Variants in PPFIBP2 observed in about 807,000 individuals in gnomAD.
PPFIBP2 encodes the protein PPFIB scaffold protein 2, also known as liprin-beta-2.
In PPFIBP2, 118 loss-of-function variants were observed where a neutral mutation model predicts 118.3. The observed-to-expected ratio is 1.00, with a 90% confidence interval of 0.86 to 1.16. PPFIBP2 has a LOEUF of 1.16. Ranked by LOEUF, PPFIBP2 falls within the 50% of genes most tolerant of loss-of-function variation. The probability of loss-of-function intolerance (pLI) is 0.00; values close to 1 mark genes in which losing one functional copy is unlikely to be tolerated. For missense variants in PPFIBP2, 1,195 were observed against 1,073.1 expected, an observed-to-expected ratio of 1.11 and a Z score of -1.59; for synonymous variants, 414 against 397.4, an observed-to-expected ratio of 1.04 and a Z score of -0.50.
chr11:7,580,947 C>T (rs904499134), intron 3 of PPFIBP2, among the ~76,000 whole-genome samples: 1 of 152,220 alleles, frequency 6.6e-6, no homozygotes, highest in African/African-American at 2.4e-5. Flanking sequence ...TTCAGTGCTT[C>T]AGCTTTATGA....
intron 1 of PPFIBP2, among the ~76,000 whole-genome samples, chr11:7,519,845 G>A (rs145206609): frequency 6.6e-6 from 1 of 152,210 alleles, no homozygotes; most frequent in Non-Finnish European, 1.5e-5. Flanking sequence ...TTGGATTTTC[G>A]GACCAGAGAA....
chr11:7,544,877 C>G (rs1320568254), intron 1 of PPFIBP2, among the ~76,000 whole-genome samples: 7 of 151,558 alleles, frequency 4.6e-5, no homozygotes, highest in Non-Finnish European at 1.0e-4. Context: ...TTCTGGCTCT[C>G]TCTGTCTTCT....
intron 6 of PPFIBP2, among the ~76,000 whole-genome samples, chr11:7,615,815 C>T (rs1848571551): frequency 1.3e-5 from 2 of 152,132 alleles, no homozygotes; most frequent in Non-Finnish European, 2.9e-5. Flanking sequence ...AAAAACTAGG[C>T]ATAAACAGAC....
chr11:7,638,972 T>G (rs1460456671), intron 14 of PPFIBP2, among the ~76,000 whole-genome samples: 2 of 152,240 alleles, frequency 1.3e-5, no homozygotes, highest in Non-Finnish European at 2.9e-5. Flanking sequence ...GGCCCATTTC[T>G]TGTTGTCAGC....
rs1163270807 is a variant in PPFIBP2, at chr11:7,514,055, T to C, written c.-103T>C. The C allele has an allele frequency of 6.6e-6, 1 of 152,006 alleles. No homozygotes were observed. Among genetic ancestry groups the C allele is most frequent in the African/African-American group, 2.4e-5 (1 of 41,344 alleles). 9.4% of individuals were successfully genotyped at this position (152,006 alleles called of 1,614,324 possible). A position where few individuals can be genotyped will look rare whatever the true frequency, so the allele number is the denominator to read the frequency against. On this transcript the variant is annotated 5_prime_UTR_variant, in exon 1 of 24. Transcript: ENST00000299492. ...GCTTCTGGGCTCTCATGTTTGAAGG[T>C]GGGAGGGACACGGGAGCGGCCCGCA... is the stretch of plus-strand genomic sequence containing the variant.
intron 1 of PPFIBP2, among the ~76,000 whole-genome samples, chr11:7,542,644 C>G (rs1019501776): frequency 2.6e-5 from 4 of 152,140 alleles, no homozygotes; most frequent in African/African-American, 9.7e-5. Flanking sequence ...AAAGTCTTCA[C>G]CAATTATGTA....
At chr11:7,606,886 ATTTTTTTTTTTTTTTTTTT>A (rs529585905) in intron 5 of PPFIBP2, among the ~76,000 whole-genome samples, 170 of 51,424 alleles carry the variant, frequency 3.3e-3, no homozygotes, top group Middle Eastern at 0.034. Flanking sequence ...AACTGCATGA[ATTTTTTTTTTTTTTTTTTT>A]TTTTTTTTTT....
chr11:7,624,935 C>T (rs1849788111), intron 7 of PPFIBP2, among the ~76,000 whole-genome samples: 2 of 152,174 alleles, frequency 1.3e-5, no homozygotes, highest in Admixed American at 6.5e-5. Flanking sequence ...ACTCCAAAAT[C>T]CAGGTACCTC....
intron 3 of PPFIBP2, among the ~76,000 whole-genome samples, chr11:7,566,669 G>T (rs1391734652): frequency 6.6e-6 from 1 of 152,122 alleles, no homozygotes; most frequent in African/African-American, 2.4e-5. Context: ...CACCTGGCCA[G>T]TATTTCACTA....
chr11:7,617,436 C>T (rs1413179627), intron 6 of PPFIBP2: 10 of 441,920 alleles, frequency 2.3e-5, no homozygotes, highest in Non-Finnish European at 3.0e-5. Flanking sequence ...CTTGGACTCA[C>T]TCAATCCTCT....
At chr11:7,534,868 C>T (rs1217450848) in intron 1 of PPFIBP2, among the ~76,000 whole-genome samples, 1 of 152,246 alleles carries the variant, frequency 6.6e-6, no homozygotes, top group African/African-American at 2.4e-5. Flanking sequence ...GGCCTTACCC[C>T]ACCTGGCAAA....
intron 4 of PPFIBP2, among the ~76,000 whole-genome samples, chr11:7,595,001 C>T (rs1019786989): frequency 1.3e-5 from 2 of 149,710 alleles, no homozygotes; most frequent in South Asian, 2.1e-4. Context: ...CTGGTAAGAA[C>T]GCTGGAAAAA....
chr11:7,654,474 T>C (rs1854502810), downstream of PPFIBP2, among the ~76,000 whole-genome samples: 1 of 152,244 alleles, frequency 6.6e-6, no homozygotes, highest in South Asian at 2.1e-4. Context: ...CATTCCATTG[T>C]AGCACTCTGA....
intron 15 of PPFIBP2, among the ~76,000 whole-genome samples, chr11:7,640,247 CCT>C (rs368286869): frequency 8.5e-5 from 13 of 152,146 alleles, no homozygotes; most frequent in South Asian, 2.1e-4. Context: ...GTGCTTCCTT[CCT>C]CTGTCATTCT....
At chr11:7,573,660 C>T (rs1452068821) in intron 3 of PPFIBP2, among the ~76,000 whole-genome samples, 1 of 152,236 alleles carries the variant, frequency 6.6e-6, no homozygotes, top group African/African-American at 2.4e-5. Flanking sequence ...GCTTGAGCTG[C>T]AGTGGCCAGG....
At chr11:7,552,141 G>A (rs1008260078) in intron 2 of PPFIBP2, among the ~76,000 whole-genome samples, 2 of 152,212 alleles carry the variant, frequency 1.3e-5, no homozygotes, top group Non-Finnish European at 2.9e-5. Flanking sequence ...AGGAATACCT[G>A]TAGCCAGACT....
At chr11:7,649,426 T>C in intron 20 of PPFIBP2, 106 bp from the exon 21 acceptor site, 1 of 1,475,994 alleles carries the variant, frequency 6.8e-7, no homozygotes, top group East Asian at 2.3e-5. Flanking sequence ...CACGTGCACC[T>C]TCCTGAGATG....
Position 7,641,143 on chromosome 11 carries a change from C to T in PPFIBP2, c.1376-336C>T, listed in dbSNP as rs1852136232. 3.4e-6 allele frequency: 4 copies of T among 1,174,938 alleles called. No individual in the cohort carries two copies. In the Admixed American group the frequency reaches 9.1e-5, roughly 27 times the overall value. The allele number at this position is 1,174,938 out of a possible 1,614,324, so 72.8% of individuals were successfully genotyped here. A position where few individuals can be genotyped will look rare whatever the true frequency, so the allele number is the denominator to read the frequency against. Reference sequence around the variant, plus strand: ...ACCCTAACCCTCCCCTTCACCAGCACTCAGCCAGGGACCCACTACTGCCTG... The same window carrying T: ...ACCCTAACCCTCCCCTTCACCAGCATTCAGCCAGGGACCCACTACTGCCTG... On this transcript the variant is annotated intron_variant, in intron 15 of 23. Coordinates refer to ENST00000299492, the MANE Select transcript of PPFIBP2 (RefSeq NM_003621.5).
chr11:7,562,241 C>G (rs1353735307), intron 2 of PPFIBP2, among the ~76,000 whole-genome samples: 2 of 152,190 alleles, frequency 1.3e-5, no homozygotes, highest in East Asian at 3.9e-4. Flanking sequence ...GCTGGGAACA[C>G]CTGGGCTGGA....
Sources: gnomAD v4.1 joint callset for allele counts (sites outside exome capture counted in the v4.1 genomes callset) on GRCh38, gnomAD v4.1.1 for gene constraint, MANE v1.5 for transcripts, NCBI Gene and HGNC (gene_info 2026-07-23, HGNC 2026-07-21) for gene names.